DICER1: variants seen among roughly 807,000 people sequenced by gnomAD.
DICER1 encodes dicer 1, ribonuclease III, also known as endoribonuclease Dicer.
In DICER1, 43 loss-of-function variants were observed where a neutral mutation model predicts 194.1. The observed-to-expected ratio is 0.22, with a 90% confidence interval of 0.17 to 0.29. The LOEUF (loss-of-function observed/expected upper bound fraction) is 0.29. Ranked by LOEUF, DICER1 falls within the 10% of genes least tolerant of loss-of-function variation. DICER1 has a pLI of 1.00. For missense variants in DICER1, 1,608 were observed against 2,317.0 expected, an observed-to-expected ratio of 0.69 and a Z score of 6.28; for synonymous variants, 832 against 820.5, an observed-to-expected ratio of 1.01 and a Z score of -0.24.
At chr14:95,103,200 G>A in intron 21 of DICER1, 146 bp downstream of exon 21, 1 of 884,920 alleles carries the variant, frequency 1.1e-6, no homozygotes, top group Non-Finnish European at 1.8e-6. Context: ...CGCTGGCCCT[G>A]GTAGAACAAG....
At chr14:95,092,120 T>C (rs1443232424) in intron 24 of DICER1, among the ~76,000 whole-genome samples, 1 of 152,172 alleles carries the variant, frequency 6.6e-6, no homozygotes, top group Non-Finnish European at 1.5e-5. Context: ...AAGAAGCGTT[T>C]AAATCAATCA....
rs759757791 is a variant in DICER1 at position 95,144,185 on chromosome 14, G to A, written c.-45-10682C>T. Among the ~76,000 whole-genome samples, 9 of 151,954 alleles carry A rather than the reference G, an allele frequency of 5.9e-5. No individual in the cohort carries two copies. In the South Asian group the frequency reaches 6.2e-4, roughly 11 times the overall value. On this transcript the variant is annotated intron_variant, in intron 1 of 26. Coordinates refer to ENST00000343455, the MANE Select transcript of DICER1 (RefSeq NM_177438.3). ...ACATATAAACATGTATTTAATGGAC[G>A]TATTTGCCTCAAAACACTGATTCTG...
chr14:95,107,545 C>T lies in DICER1; in HGVS notation c.2804+63G>A, dbSNP rs796930471. 101 of 1,572,912 alleles carry T rather than the reference C, an allele frequency of 6.4e-5. No homozygotes were observed. The African/African-American group carries it at 8.5e-4, about 13-fold the overall frequency. ...GACTGCAGGCGTGAGCCACCGTGCC[C>T]GACCTAGTGCATCTTTTAAAACAAA... On this transcript the variant is annotated intron_variant, in intron 17 of 26. Transcript: ENST00000343455.
intron 24 of DICER1, among the ~76,000 whole-genome samples, chr14:95,092,366 T>G (rs1464097836): frequency 4.6e-5 from 7 of 152,246 alleles, no homozygotes; most frequent in Admixed American, 1.3e-4. Context: ...AATTTTCTTC[T>G]TATTTACTTG....
rs188304450 is a variant in DICER1, at chr14:95,149,525, C to A, written c.-46+7705G>T. On this transcript the variant is annotated intron_variant, in intron 1 of 26. Transcript: ENST00000343455. ...TTTAGCACACATGGGCTAGCTACAA[C>A]ACCCAAATCATCACGGGCTTCATTA... 1.6e-4 allele frequency among the ~76,000 whole-genome samples: 24 copies of A among 152,320 alleles called. No homozygotes were observed. The East Asian group carries it at 4.0e-3, about 26-fold the overall frequency.
In DICER1 at chr14:95,116,593, C is replaced by G; in HGVS notation, c.1612G>C (p.Asp538His). ...IPKCNLVVRF[D>H]LPTEYRSYVQ... Reference sequence around the variant, plus strand: ...TAGGATCGATATTCTGTGGGCAAATCAAAACGAACCACCAAGTTGCATTTT... The same window carrying G: ...TAGGATCGATATTCTGTGGGCAAATGAAAACGAACCACCAAGTTGCATTTT... The change falls in exon 10 of 27, where the codon GAT becomes CAT. Residue 538 changes from aspartate to histidine, a missense_variant. Coordinates refer to ENST00000343455, the MANE Select transcript of DICER1 (RefSeq NM_177438.3). 1 of 1,613,812 alleles carries G rather than the reference C, an allele frequency of 6.2e-7. No individual in the cohort carries two copies. The highest frequency in any genetic ancestry group is 8.5e-7 in the Non-Finnish European group (1 of 1,179,924).
At chr14:95,093,237 T>G (rs1189900462) in intron 24 of DICER1, among the ~76,000 whole-genome samples, 2 of 151,718 alleles carry the variant, frequency 1.3e-5, no homozygotes, top group African/African-American at 4.8e-5. Flanking sequence ...GAAATGAGAG[T>G]CTCTCTGGGG....
rs1595367503 is a variant in DICER1 at position 95,104,024 on chromosome 14, G to A, written c.3372C>T (p.His1124=). 1.2e-6 allele frequency: 2 copies of A among 1,614,106 alleles called. No individual in the cohort carries two copies. The highest frequency in any genetic ancestry group is 2.2e-5 in the East Asian group (1 of 44,888). Residue 1124 remains histidine (H), a synonymous_variant, in exon 21 of 27, where the codon CAC becomes CAT. Transcript: ENST00000343455. ...CAGCATTTTCAGGGACAATTGTGCT[G>A]TGCTTACAGTAATTATCATTTTCAG... ...SSAENDNYCK[H]STIVPENAAH...
In DICER1 at chr14:95,133,350, T is replaced by A. The variant is rs772381832; in HGVS notation, c.109A>T (p.Ile37Phe). 3.1e-6 allele frequency: 5 copies of A among 1,614,044 alleles called. No individual in the cohort carries two copies. The East Asian group carries it at 1.1e-4, about 36-fold the overall frequency. Residue 37 changes from isoleucine to phenylalanine, a missense_variant, in exon 2 of 27, where the codon ATT becomes TTT. Ile to Phe is a conservative substitution (Grantham distance 21). Around this residue, in one of 10 missense-constraint regions of DICER1, gnomAD observed 657 missense variants for 910.1 expected, o/e 0.72. Transcript: ENST00000343455. ...CTTGGCGTATAAATGTTATCATGAA[T>A]TGCTTCTTGTTGCCATGGCAGTCCA... ...FFGLPWQQEA[I>F]HDNIYTPRKY... is the part of the protein sequence containing the mutation.
chr14:95,156,100 A>C (rs1895841400), intron 1 of DICER1, among the ~76,000 whole-genome samples: 1 of 152,254 alleles, frequency 6.6e-6, no homozygotes, highest in South Asian at 2.1e-4. Flanking sequence ...AGAAAACTTA[A>C]CGTTTACACC....
At chr14:95,122,213 T>C (rs901787771) in intron 8 of DICER1, among the ~76,000 whole-genome samples, 2 of 152,208 alleles carry the variant, frequency 1.3e-5, no homozygotes, top group Non-Finnish European at 1.5e-5. Context: ...CGACTGATTC[T>C]GGATAAACCT....
intron 6 of DICER1, 154 bp downstream of exon 6, chr14:95,129,318 G>A (rs1270334504): frequency 6.0e-6 from 4 of 669,980 alleles, no homozygotes; most frequent in African/African-American, 1.8e-5. Context: ...CACAGGTAAT[G>A]GTACTTATAG....
chr14:95,145,886 C>A (rs1303953560), intron 1 of DICER1, among the ~76,000 whole-genome samples: 1 of 152,014 alleles, frequency 6.6e-6, no homozygotes, highest in Non-Finnish European at 1.5e-5. Context: ...GTCATTACCA[C>A]ACACACAAAA....
rs1889682907 is a variant in DICER1, at chr14:95,090,378, T to C, written c.*120A>G. ...ATCTATCCTGTTATCAACCAAACTT[T>C]AAATTCTGCCTTCAATTCATTCCAC... On this transcript the variant is annotated 3_prime_UTR_variant, in exon 27 of 27. Coordinates refer to ENST00000343455, the MANE Select transcript of DICER1 (RefSeq NM_177438.3). 2 of 1,150,680 alleles carry C rather than the reference T, an allele frequency of 1.7e-6. No individual in the cohort carries two copies. Among genetic ancestry groups the C allele is most frequent in the African/African-American group, 3.1e-5 (2 of 64,756 alleles). 71.3% of individuals were successfully genotyped at this position (1,150,680 alleles called of 1,614,324 possible). A position where few individuals can be genotyped will look rare whatever the true frequency, so the allele number is the denominator to read the frequency against.
chr14:95,110,814 T>C (rs567931911), intron 14 of DICER1, among the ~76,000 whole-genome samples: 13 of 152,324 alleles, frequency 8.5e-5, no homozygotes, highest in Non-Finnish European at 1.3e-4. Flanking sequence ...AAACACTCCA[T>C]GGAAATAACT....
At chr14:95,144,311 T>G (rs78987194) in intron 1 of DICER1, among the ~76,000 whole-genome samples, 7,199 of 149,148 alleles carry the variant, frequency 0.048, 249 homozygotes, top group Non-Finnish European at 0.072. Context: ...AAGCAGCCTC[T>G]TTTTTTTTTC....
At chr14:95,095,095 G>A (rs142704349) in intron 23 of DICER1, among the ~76,000 whole-genome samples, 1 of 152,100 alleles carries the variant, frequency 6.6e-6, no homozygotes, top group Non-Finnish European at 1.5e-5. Flanking sequence ...CTTAACCTAC[G>A]CTGCTTTTAT....
rs1060503658 is a variant in DICER1 at position 95,094,162 on chromosome 14, G to C, written c.5096-6C>G. ...TTCTAAGCGCTGGTAACAATCTGAGGGGATCCGAAGTGGAACCGTAAGCTT... is the reference window on the plus strand; with the variant it reads ...TTCTAAGCGCTGGTAACAATCTGAGCGGATCCGAAGTGGAACCGTAAGCTT... On this transcript the variant is annotated splice_polypyrimidine_tract_variant and splice_region_variant and intron_variant, in intron 23 of 26. Coordinates refer to ENST00000343455, the MANE Select transcript of DICER1 (RefSeq NM_177438.3). 1 of 1,613,992 alleles carries C rather than the reference G, an allele frequency of 6.2e-7. No individual in the cohort carries two copies. The highest frequency in any genetic ancestry group is 8.5e-7 in the Non-Finnish European group (1 of 1,180,012).
At chr14:95,147,996 C>T (rs976804876) in intron 1 of DICER1, among the ~76,000 whole-genome samples, 1 of 152,182 alleles carries the variant, frequency 6.6e-6, no homozygotes, top group Non-Finnish European at 1.5e-5. Flanking sequence ...GCCAGCAGTT[C>T]GAGACCGGCC....
Sources: gnomAD v4.1 joint callset for allele counts (sites outside exome capture counted in the v4.1 genomes callset) on GRCh38, gnomAD v4.1.1 for gene constraint, gnomAD v4.1.1 regional missense constraint, MANE v1.5 for transcripts, NCBI Gene and HGNC (gene_info 2026-07-23, HGNC 2026-07-21) for gene names.